Variants in ZNF827 observed in about 807,000 individuals in gnomAD.
ZNF827 encodes zinc finger protein 827.
Under a neutral mutation model 102.4 loss-of-function variants are expected in ZNF827, and 13 were observed. The observed-to-expected ratio is 0.13, with a 90% CI of 0.08 to 0.20. The LOEUF is 0.20. Among genes scored for constraint, ZNF827 ranks in the 10% least tolerant of loss-of-function variants. The probability of loss-of-function intolerance (pLI) is 1.00; values close to 1 mark genes in which losing one functional copy is unlikely to be tolerated. For missense variants in ZNF827, 1,103 were observed against 1,344.4 expected, an observed-to-expected ratio of 0.82 and a Z score of 2.81; for synonymous variants, 523 against 536.2, an observed-to-expected ratio of 0.98 and a Z score of 0.34.
At chr4:145,880,002 C>T (rs1399102869) in intron 4 of ZNF827, among the ~76,000 whole-genome samples, 1 of 152,036 alleles carries the variant, frequency 6.6e-6, no homozygotes, top group African/African-American at 2.4e-5. Context: ...TTTGGGAGGC[C>T]GAGGCAGCCA....
At chr4:145,851,095 C>A (rs528391199) in intron 5 of ZNF827, among the ~76,000 whole-genome samples, 2 of 152,250 alleles carry the variant, frequency 1.3e-5, no homozygotes, top group East Asian at 1.9e-4. Flanking sequence ...GTCCCTGCAG[C>A]CACTGGAAGC....
rs776894214 is a variant in ZNF827, at chr4:145,779,441, G to A, written c.2454C>T (p.Pro818=). The change falls in exon 9 of 15, where the codon CCC becomes CCT. Residue 818 remains proline (P), a synonymous_variant. Coordinates refer to ENST00000508784, the MANE Select transcript of ZNF827 (RefSeq NM_001306215.2). ...PSWKFNDQLF[P]CDVCGKVFGR... The stretch of plus-strand genomic sequence containing the variant: ...CAAACACTTTCCCACACACGTCACA[G>A]GGAAAAAGCTGGTCATTGAATTTCC... 31 of 1,614,064 alleles carry A rather than the reference G, an allele frequency of 1.9e-5. 2 individuals carry two copies. The highest frequency in any genetic ancestry group is 1.6e-4 in the Middle Eastern group (1 of 6,080).
chr4:145,903,794 G>T (rs181746420), intron 1 of ZNF827, among the ~76,000 whole-genome samples: 401 of 152,284 alleles, frequency 2.6e-3, no homozygotes, highest in African/African-American at 9.1e-3. Flanking sequence ...TTTATCAGTT[G>T]TTATAAAGCT....
At chr4:145,859,798 C>T (rs980383093) in intron 5 of ZNF827, among the ~76,000 whole-genome samples, 2 of 152,138 alleles carry the variant, frequency 1.3e-5, no homozygotes, top group Non-Finnish European at 2.9e-5. Flanking sequence ...AGTCACTGAA[C>T]ACTCACAGTT....
intron 4 of ZNF827, among the ~76,000 whole-genome samples, chr4:145,880,539 C>T (rs778189629): frequency 5.3e-4 from 81 of 152,354 alleles, no homozygotes; most frequent in Admixed American, 2.0e-3. Flanking sequence ...CCTTTCTTAA[C>T]TCAGGTCAGT....
chr4:145,822,653 GAA>G (rs1454876532), intron 8 of ZNF827, among the ~76,000 whole-genome samples: 1 of 149,966 alleles, frequency 6.7e-6, no homozygotes, highest in East Asian at 2.0e-4. Flanking sequence ...GCAACTGGCA[GAA>G]GTTTCCTGGC....
At chr4:145,937,742 AGCCGCCGCC>A (rs1561098410) in intron 1 of ZNF827, among the ~76,000 whole-genome samples, 3 of 111,148 alleles carry the variant, frequency 2.7e-5, no homozygotes, top group South Asian at 3.1e-4. Flanking sequence ...CTCCTGCTCC[AGCCGCCGCC>A]GCCGCTGCCG....
intron 7 of ZNF827, 127 bp downstream of exon 7, chr4:145,845,828 TG>T: frequency 1.2e-6 from 1 of 844,724 alleles, no homozygotes; most frequent in Non-Finnish European, 1.9e-6. Flanking sequence ...TGGTAGAACA[TG>T]GTGGTAAAGG....
chr4:145,826,658 T>G (rs1241269259), intron 7 of ZNF827, among the ~76,000 whole-genome samples: 1 of 152,252 alleles, frequency 6.6e-6, no homozygotes, highest in Admixed American at 6.5e-5. Context: ...GCCTAATTTA[T>G]AAATTAAACT....
rs1207169331 is a variant in ZNF827 at position 145,763,548 on chromosome 4, C to G, written c.3231-426G>C. On this transcript the variant is annotated intron_variant, in intron 13 of 14. Coordinates refer to ENST00000508784, the MANE Select transcript of ZNF827 (RefSeq NM_001306215.2). The surrounding 1 kb of genome is among the most constrained non-coding windows in gnomAD (Gnocchi z 4.6). ...CATCAGAATTCACTGTGCATTCTCC[C>G]CAATGGCTTCAGAGGCTGGGGACTT... is the stretch of plus-strand genomic sequence containing the variant. Among the ~76,000 whole-genome samples, 1 of 152,170 alleles carries G rather than the reference C, an allele frequency of 6.6e-6. No homozygotes were observed. Among genetic ancestry groups the G allele is most frequent in the Non-Finnish European group, 1.5e-5 (1 of 68,038 alleles).
intron 5 of ZNF827, among the ~76,000 whole-genome samples, chr4:145,857,533 C>G (rs1747270493): frequency 6.6e-6 from 1 of 152,224 alleles, no homozygotes; most frequent in Non-Finnish European, 1.5e-5. Context: ...CTGGCCACAA[C>G]AGTATGCCCA....
Position 145,760,869 on chromosome 4 carries a change from G to A in ZNF827, c.*747C>T, listed in dbSNP as rs1281056180. The A allele has an allele frequency of 4.9e-6, 6 of 1,224,344 alleles. No homozygotes were observed. The South Asian group carries it at 7.2e-5, about 15-fold the overall frequency. 75.8% of individuals were successfully genotyped at this position (1,224,344 alleles called of 1,614,324 possible). A position where few individuals can be genotyped will look rare whatever the true frequency, so the allele number is the denominator to read the frequency against. On this transcript the variant is annotated 3_prime_UTR_variant, in exon 15 of 15. Transcript: ENST00000508784. ...TGCTGGGAGGCGCAGTCTGAGGTCG[G>A]GGAGGGTGGAATGTGAGATCCAAGT...
chr4:145,938,573 T>A lies in ZNF827; in HGVS notation c.-166A>T. 1.8e-6 allele frequency: 1 copy of A among 556,998 alleles called. No homozygotes were observed. Among genetic ancestry groups the A allele is most frequent in the Non-Finnish European group, 3.2e-6 (1 of 314,796 alleles). 34.5% of individuals were successfully genotyped at this position (556,998 alleles called of 1,614,324 possible). A position where few individuals can be genotyped will look rare whatever the true frequency, so the allele number is the denominator to read the frequency against. On this transcript the variant is annotated 5_prime_UTR_variant, in exon 1 of 15. Transcript: ENST00000508784. ...TGTGTGCAATGGGTTGAAGCTTGTT[T>A]CCTGGAGCCAGAAGAGGGGTTTTCT...
rs74433185 is a variant in ZNF827, at chr4:145,762,960, C to T, written c.*17+130G>A. ...CCAACACAACCAAGTGCACCGTGCA[C>T]GGCCTCCTCAGCGCCAAGCTCGCCG... is the stretch of plus-strand genomic sequence containing the variant. On this transcript the variant is annotated intron_variant, in intron 14 of 14. Transcript: ENST00000508784. The surrounding 1 kb of genome is among the most constrained non-coding windows in gnomAD (Gnocchi z 4.9). 12,066 of 840,234 alleles carry T rather than the reference C, an allele frequency of 0.014. 264 individuals are homozygous for T. The highest frequency in any genetic ancestry group is 0.067 in the East Asian group (2,522 of 37,764). The allele number at this position is 840,234 out of a possible 1,614,324, so 52.0% of individuals were successfully genotyped here.
intron 2 of ZNF827, among the ~76,000 whole-genome samples, chr4:145,899,177 G>GACA (rs998498535): frequency 2.0e-5 from 3 of 152,090 alleles, no homozygotes; most frequent in African/African-American, 7.2e-5. Flanking sequence ...GAATAATAAT[G>GACA]ACAAATGTTC....
At chr4:145,899,837 C>A (rs1751277426) in intron 2 of ZNF827, among the ~76,000 whole-genome samples, 1 of 152,150 alleles carries the variant, frequency 6.6e-6, no homozygotes, top group Non-Finnish European at 1.5e-5. Flanking sequence ...GGTTCTATAA[C>A]CCAAAGCTGA....
intron 2 of ZNF827, among the ~76,000 whole-genome samples, chr4:145,894,797 G>A (rs1255510380): frequency 6.6e-6 from 1 of 152,064 alleles, no homozygotes. Context: ...CTTTTCTGCT[G>A]TCTCTTTTTG....
In ZNF827 at chr4:145,765,168, G is replaced by A. The variant is rs767415519; in HGVS notation, c.3053-3C>T. ...GTTGCAAAAAACACATTCGAACCCT[G>A]CAAGGACCGAAGCTGGGTATAGAGG... On this transcript the variant is annotated splice_region_variant and splice_polypyrimidine_tract_variant and intron_variant, in intron 12 of 14. Transcript: ENST00000508784. This position sits in a 1 kb window ranked among gnomAD's most constrained non-coding sequence, Gnocchi z 4.7. 26 of 1,600,342 alleles carry A rather than the reference G, an allele frequency of 1.6e-5. No individual in the cohort carries two copies. Among genetic ancestry groups the A allele is most frequent in the East Asian group, 2.2e-5 (1 of 44,866 alleles).
At chr4:145,767,419 T>TTGGA in intron 11 of ZNF827, among the ~76,000 whole-genome samples, 1 of 152,274 alleles carries the variant, frequency 6.6e-6, no homozygotes, top group Non-Finnish European at 1.5e-5. Context: ...ATAAGTTTAA[T>TTGGA]TGGAATCCCT....
Sources: gnomAD v4.1 joint callset for allele counts (sites outside exome capture counted in the v4.1 genomes callset) on GRCh38, gnomAD v4.1.1 for gene constraint, Gnocchi (gnomAD v3.1) non-coding constraint, MANE v1.5 for transcripts, NCBI Gene and HGNC (gene_info 2026-07-23, HGNC 2026-07-21) for gene names.